Variants in ROBO2 observed in about 807,000 individuals in gnomAD.
ROBO2 encodes the protein roundabout guidance receptor 2.
Under a neutral mutation model 160.8 loss-of-function variants are expected in ROBO2, and 53 were observed. The observed-to-expected ratio is 0.33, with a 90% CI of 0.26 to 0.41. The LOEUF is 0.41. Ranked by LOEUF, ROBO2 falls within the 10% of genes least tolerant of loss-of-function variation. The probability of loss-of-function intolerance (pLI) is 1.00; values close to 1 mark genes in which losing one functional copy is unlikely to be tolerated. For synonymous variants in ROBO2, 664 were observed against 611.7 expected (o/e 1.09, Z -1.26); for missense variants, 1,577 against 1,722.4 (o/e 0.92, Z 1.49).
intron 2 of ROBO2, among the ~76,000 whole-genome samples, chr3:76,860,977 A>G (rs2148614492): frequency 6.6e-6 from 1 of 152,286 alleles, no homozygotes; most frequent in Non-Finnish European, 1.5e-5. Context: ...CATCCTTATC[A>G]AACTTTAGCC....
In ROBO2 at chr3:76,665,865, G is replaced by GTATATACGTATTATATATATAA. The variant is rs1354858939; in HGVS notation, c.110-432141_110-432120dup. Among the ~76,000 whole-genome samples, 7 of 138,350 alleles carry GTATATACGTATTATATATATAA rather than the reference G, an allele frequency of 5.1e-5. No homozygotes were observed. In the South Asian group the frequency reaches 6.5e-4, roughly 13 times the overall value. 90.8% of individuals were successfully genotyped at this position (138,350 alleles called of 152,430 possible). A position where few individuals can be genotyped will look rare whatever the true frequency, so the allele number is the denominator to read the frequency against. On this transcript the variant is annotated intron_variant, in intron 2 of 26. Transcript: ENST00000487694. ...AAATATTGTGTGATTGTACGTGTAT[G>GTATATACGTATTATATATATAA]TATATACGTATTATATATATAATAT...
intron 2 of ROBO2, among the ~76,000 whole-genome samples, chr3:76,473,327 A>G (rs1428325431): frequency 6.6e-6 from 1 of 152,154 alleles, no homozygotes; most frequent in East Asian, 1.9e-4. Context: ...CCTTGAGCCA[A>G]TAGAACAATG....
At chr3:75,943,042 T>C (rs1272625230) in intron 2 of ROBO2, among the ~76,000 whole-genome samples, 2 of 152,138 alleles carry the variant, frequency 1.3e-5, no homozygotes, top group African/African-American at 4.8e-5. Context: ...GGATTTCTTT[T>C]TTATAATTTA....
At chr3:76,211,933 T>A (rs1055072163) in intron 2 of ROBO2, among the ~76,000 whole-genome samples, 2 of 152,008 alleles carry the variant, frequency 1.3e-5, no homozygotes, top group Non-Finnish European at 2.9e-5. Flanking sequence ...TCTTTTAATA[T>A]GAAACAAGTG....
At chr3:76,783,070 A>G (rs2062752433) in intron 2 of ROBO2, among the ~76,000 whole-genome samples, 1 of 150,524 alleles carries the variant, frequency 6.6e-6, no homozygotes, top group Non-Finnish European at 1.5e-5. Context: ...TGTGATTTCC[A>G]TGAGACTTAT....
At chr3:76,894,355 G>T (rs116330919) in intron 2 of ROBO2, among the ~76,000 whole-genome samples, 229 of 152,162 alleles carry the variant, frequency 1.5e-3, no homozygotes, top group Admixed American at 2.4e-3. Flanking sequence ...TATAAAACAG[G>T]TATGGCCTGT....
At chr3:76,727,110 A>G (rs570478865) in intron 2 of ROBO2, among the ~76,000 whole-genome samples, 1 of 146,876 alleles carries the variant, frequency 6.8e-6, no homozygotes, top group South Asian at 2.2e-4. Flanking sequence ...CATATGTCAT[A>G]TTTTCATTGT....
chr3:77,378,175 A>T (rs539301577), intron 2 of ROBO2, among the ~76,000 whole-genome samples: 1 of 152,294 alleles, frequency 6.6e-6, no homozygotes, highest in East Asian at 1.9e-4. Flanking sequence ...GAATGAAAGT[A>T]ACATTTTTGA....
rs1272419340 is a variant in ROBO2 at position 76,001,433 on chromosome 3, CT to C, written c.109+63833del. 2.0e-5 allele frequency among the ~76,000 whole-genome samples: 3 copies of C among 152,164 alleles called. No homozygotes were observed. In the East Asian group the frequency reaches 5.8e-4, roughly 29 times the overall value. On this transcript the variant is annotated intron_variant, in intron 2 of 26. Transcript: ENST00000487694. ...AACTCAGTGTCACTGAGATCTCACT[CT>C]TCTAAAAAGAATTTTCTTCTCATTG...
Position 77,477,581 on chromosome 3 carries a change from A to G in ROBO2, c.546+10A>G, listed in dbSNP as rs758875470. 74 of 1,612,944 alleles carry G rather than the reference A, an allele frequency of 4.6e-5. 2 individuals carry two copies. The South Asian group carries it at 7.6e-4, about 17-fold the overall frequency. On this transcript the variant is annotated intron_variant, in intron 3 of 25. Coordinates refer to ENST00000461745, the Ensembl canonical transcript of ROBO2. Reference sequence around the variant, plus strand: ...GGAAGAAAGAATAAGTGTGAGTTAAATTAAAATCATGGCCCAGAGAGATTG... The same window carrying G: ...GGAAGAAAGAATAAGTGTGAGTTAAGTTAAAATCATGGCCCAGAGAGATTG...
intron 1 of ROBO2, among the ~76,000 whole-genome samples, chr3:75,917,797 G>A (rs1218117603): frequency 2.6e-5 from 4 of 152,148 alleles, no homozygotes; most frequent in Non-Finnish European, 4.4e-5. Context: ...GTGATTATGA[G>A]CTTTTTTTCA....
At chr3:76,247,407 A>G (rs914852135) in intron 2 of ROBO2, among the ~76,000 whole-genome samples, 6 of 152,272 alleles carry the variant, frequency 3.9e-5, no homozygotes, top group Middle Eastern at 3.4e-3. Flanking sequence ...GAAAACATAA[A>G]TTAGATCACA....
intron 2 of ROBO2, among the ~76,000 whole-genome samples, chr3:77,384,871 T>A (rs912179834): frequency 6.6e-6 from 1 of 152,178 alleles, no homozygotes; most frequent in African/African-American, 2.4e-5. Context: ...CTTCCCCCAT[T>A]GTTACCTCTA....
At chr3:77,036,685 T>C (rs1402803445), upstream of ROBO2, among the ~76,000 whole-genome samples, 1 of 152,024 alleles carries the variant, frequency 6.6e-6, no homozygotes, top group Non-Finnish European at 1.5e-5. Context: ...TAGATTTCCA[T>C]CTACATTTAT....
At chr3:76,493,565 A>ATATG (rs1213257252) in intron 2 of ROBO2, among the ~76,000 whole-genome samples, 2 of 151,660 alleles carry the variant, frequency 1.3e-5, no homozygotes, top group South Asian at 2.1e-4. Context: ...ATTTTTTCCT[A>ATATG]TATGTTTCCT....
intron 2 of ROBO2, among the ~76,000 whole-genome samples, chr3:76,098,771 A>G (rs747811507): frequency 6.6e-6 from 1 of 152,154 alleles, no homozygotes; most frequent in African/African-American, 2.4e-5. Context: ...TGTTGTGGCC[A>G]TGAGTTCATT....
intron 2 of ROBO2, among the ~76,000 whole-genome samples, chr3:76,187,852 T>G (rs781575501): frequency 1.3e-5 from 2 of 152,132 alleles, no homozygotes; most frequent in African/African-American, 2.4e-5. Context: ...TTGGGTCACA[T>G]AATTCCTATG....
rs569999959 is a variant in ROBO2 at position 76,363,459 on chromosome 3, A to T, written c.109+425857A>T. Among the ~76,000 whole-genome samples, 75 of 152,244 alleles carry T rather than the reference A, an allele frequency of 4.9e-4. 1 individual carries two copies. The highest frequency in any genetic ancestry group is 9.0e-4 in the Non-Finnish European group (61 of 68,006). ...TCTCTTATCTAAAGGATATCGTAAC[A>T]GAATCTTCATAAAGTTTTTAAGCAT... is the stretch of plus-strand genomic sequence containing the variant. On this transcript the variant is annotated intron_variant, in intron 2 of 26. Coordinates refer to the ROBO2 transcript ENST00000487694.
At chr3:77,145,010 A>G (rs2077009283) in intron 2 of ROBO2, among the ~76,000 whole-genome samples, 1 of 152,010 alleles carries the variant, frequency 6.6e-6, no homozygotes, top group South Asian at 2.1e-4. Flanking sequence ...GCCCTGGCAC[A>G]TTTATTTTTT....
Sources: allele counts gnomAD v4.1 joint callset (sites outside exome capture counted in the v4.1 genomes callset), GRCh38; gene constraint gnomAD v4.1.1; transcripts MANE v1.5; gene names NCBI Gene and HGNC (gene_info 2026-07-23, HGNC 2026-07-21).